ZNF184: variants seen among roughly 807,000 people sequenced by gnomAD.
The protein encoded by ZNF184 is zinc finger protein 184 (Kruppel-like).
In ZNF184, 16 loss-of-function variants were observed where a neutral mutation model predicts 54.4. The observed-to-expected ratio is 0.29, with a 90% CI of 0.20 to 0.45. The LOEUF (loss-of-function observed/expected upper bound fraction) is 0.45, where lower values mean the gene tolerates loss of function less well. Ranked by LOEUF, ZNF184 falls within the 20% of genes least tolerant of loss-of-function variation. The pLI is 1.00. For missense variants in ZNF184, 681 were observed against 888.2 expected (o/e 0.77, Z 2.97); for synonymous variants, 254 against 295.3 (o/e 0.86, Z 1.43).
chr6:27,413,511 C>T, the ZNF184 span, among the ~76,000 whole-genome samples: 3 of 152,134 alleles, frequency 2.0e-5, no homozygotes, highest in Admixed American at 1.3e-4. Flanking sequence ...CTCCTCTATG[C>T]TCATTGTTCA....
At chr6:27,467,500 CAGG>C (rs1763169248) in intron 3 of ZNF184, among the ~76,000 whole-genome samples, 1 of 152,070 alleles carries the variant, frequency 6.6e-6, no homozygotes, top group South Asian at 2.1e-4. Context: ...GACGCTCAGG[CAGG>C]AGAATTGCTT....
At chr6:27,448,360 C>G (rs1282288241), downstream of ZNF184, among the ~76,000 whole-genome samples, 2 of 152,220 alleles carry the variant, frequency 1.3e-5, no homozygotes, top group African/African-American at 2.4e-5. Context: ...ACCATTCGAT[C>G]TTACCTGGAC....
the ZNF184 span, among the ~76,000 whole-genome samples, chr6:27,420,346 C>T: frequency 6.6e-6 from 1 of 152,174 alleles, no homozygotes; most frequent in Non-Finnish European, 1.5e-5. Flanking sequence ...TTCCTCTATG[C>T]TAGGTGGCTA....
In ZNF184 at chr6:27,456,914, T is replaced by C. The variant is rs1299690486; in HGVS notation, c.210A>G (p.Gln70=). 1.9e-6 allele frequency: 3 copies of C among 1,613,958 alleles called. No individual in the cohort carries two copies. Among genetic ancestry groups the C allele is most frequent in the Middle Eastern group, 1.6e-4 (1 of 6,062 alleles). ...GGGAAATCACATCAGGTTTAGAAAC[T>C]TGGAGTCCTGTTCATTAGGGAAAAA... is the stretch of plus-strand genomic sequence containing the variant. ...NYTHLVSIGL[Q]VSKPDVISQL... is the part of the protein sequence containing the mutation. The change falls in exon 5 of 6, where the codon CAA becomes CAG. Residue 70 remains glutamine (Q), a synonymous_variant. Coordinates refer to ENST00000683788, the MANE Select transcript of ZNF184 (RefSeq NM_001318891.2).
chr6:27,421,241 T>G, the ZNF184 span, among the ~76,000 whole-genome samples: 1 of 152,176 alleles, frequency 6.6e-6, no homozygotes. Context: ...GGACTGTGAG[T>G]AGTAATATGT....
Position 27,452,272 on chromosome 6 carries a change from C to T in ZNF184, c.1287G>A (p.Gln429=). Residue 429 remains glutamine (Q), a synonymous_variant, in exon 6 of 6, where the codon CAG becomes CAA. Coordinates refer to ENST00000683788, the MANE Select transcript of ZNF184 (RefSeq NM_001318891.2). The surrounding 1 kb of genome is among the most constrained non-coding windows in gnomAD (Gnocchi z 5.5). ...TTTGATGCTGAGTGAGGTTTGAGTG[C>T]TGGCTGAAGGCTTTCCCACATTCAT... ...ECNECGKAFS[Q]HSNLTQHQKT... 1.2e-6 allele frequency: 2 copies of T among 1,614,042 alleles called. No homozygotes were observed. The highest frequency in any genetic ancestry group is 1.7e-6 in the Non-Finnish European group (2 of 1,179,998).
chr6:27,425,096 C>T, the ZNF184 span, among the ~76,000 whole-genome samples: 1 of 152,200 alleles, frequency 6.6e-6, no homozygotes, highest in African/African-American at 2.4e-5. Context: ...TGCCCGGGGC[C>T]GCCAGGGCCG....
the ZNF184 span, among the ~76,000 whole-genome samples, chr6:27,439,651 TAA>T: frequency 6.6e-6 from 1 of 152,226 alleles, no homozygotes; most frequent in Non-Finnish European, 1.5e-5. Flanking sequence ...CACAATACAG[TAA>T]GATATTTTGA....
Position 27,472,397 on chromosome 6 carries a change from C to T in ZNF184, c.-103G>A, listed in dbSNP as rs1763300266. On this transcript the variant is annotated 5_prime_UTR_variant, in exon 2 of 6. Coordinates refer to ENST00000683788, the MANE Select transcript of ZNF184 (RefSeq NM_001318891.2). This position sits in a 1 kb window ranked among gnomAD's most constrained non-coding sequence, Gnocchi z 4.8. ...TCTAGGACTCAGATGTCTAACTCCC[C>T]TTGCAGGGAATCTGCAACACGCTGA... 3 of 1,493,068 alleles carry T rather than the reference C, an allele frequency of 2.0e-6. No homozygotes were observed. Among genetic ancestry groups the T allele is most frequent in the Non-Finnish European group, 2.8e-6 (3 of 1,078,252 alleles). 92.5% of individuals were successfully genotyped at this position (1,493,068 alleles called of 1,614,324 possible). A position where few individuals can be genotyped will look rare whatever the true frequency, so the allele number is the denominator to read the frequency against.
At position 27,452,844 on chromosome 6, in the gene ZNF184, G is replaced by T; in HGVS notation, c.715C>A (p.Arg239Ser). Residue 239 changes from arginine to serine, a missense_variant, in exon 6 of 6, where the codon CGC becomes AGC. Transcript: ENST00000683788. This position sits in a 1 kb window ranked among gnomAD's most constrained non-coding sequence, Gnocchi z 5.5. ...TCTCCAGTATGTGTTCTCTGATGGCGAATAAGAGCTGAACAATAACTAAAG... is the reference window on the plus strand; with the variant it reads ...TCTCCAGTATGTGTTCTCTGATGGCTAATAAGAGCTGAACAATAACTAAAG... Reference protein sequence around the residue: ...KAFSYCSALIRHQRTHTGEKP... With the variant: ...KAFSYCSALISHQRTHTGEKP... The T allele has an allele frequency of 6.2e-7, 1 of 1,613,890 alleles. No homozygotes were observed. The highest frequency in any genetic ancestry group is 8.5e-7 in the Non-Finnish European group (1 of 1,179,938).
At chr6:27,441,153 T>C in the ZNF184 span, among the ~76,000 whole-genome samples, 1 of 152,228 alleles carries the variant, frequency 6.6e-6, no homozygotes, top group Admixed American at 6.5e-5. Context: ...CTTTGGTGAT[T>C]TACTGATAGG....
rs762793841 is a variant in ZNF184 at position 27,467,819 on chromosome 6, G to A, written c.75+34C>T. 11 of 1,573,192 alleles carry A rather than the reference G, an allele frequency of 7.0e-6. No homozygotes were observed. In the East Asian group the frequency reaches 2.3e-4, roughly 32 times the overall value. ...CAAAAAACCACAATCACCCTCTAAAGAATAAAATGGCATTTCAAGAAACCA... is the reference window on the plus strand; with the variant it reads ...CAAAAAACCACAATCACCCTCTAAAAAATAAAATGGCATTTCAAGAAACCA... On this transcript the variant is annotated intron_variant, in intron 3 of 5. Coordinates refer to ENST00000683788, the MANE Select transcript of ZNF184 (RefSeq NM_001318891.2).
chr6:27,469,911 C>G (rs1391291445), intron 2 of ZNF184, among the ~76,000 whole-genome samples: 1 of 152,034 alleles, frequency 6.6e-6, no homozygotes, highest in African/African-American at 2.4e-5. Context: ...AAAAAATCAA[C>G]TAAGGGACTA....
In ZNF184 at chr6:27,456,816, C is replaced by T; in HGVS notation, c.298+10G>A. 6.2e-7 allele frequency: 1 copy of T among 1,612,614 alleles called. No individual in the cohort carries two copies. The highest frequency in any genetic ancestry group is 8.5e-7 in the Non-Finnish European group (1 of 1,179,036). On this transcript the variant is annotated intron_variant, in intron 5 of 5. Coordinates refer to ENST00000683788, the MANE Select transcript of ZNF184 (RefSeq NM_001318891.2). Reference sequence around the variant, plus strand: ...TTAATGATATTCATCTGCTGGCATCCATGACTTACCTGCACAGGTACCTAC... The same window carrying T: ...TTAATGATATTCATCTGCTGGCATCTATGACTTACCTGCACAGGTACCTAC...
At chr6:27,442,338 A>T in the ZNF184 span, among the ~76,000 whole-genome samples, 10,123 of 152,224 alleles carry the variant, frequency 0.067, 569 homozygotes, top group East Asian at 0.28. Context: ...AATGGGGGTC[A>T]GCCAAACATG....
At chr6:27,432,024 T>C in the ZNF184 span, among the ~76,000 whole-genome samples, 1 of 151,884 alleles carries the variant, frequency 6.6e-6, no homozygotes, top group Non-Finnish European at 1.5e-5. This position sits in a 1 kb window ranked among gnomAD's most constrained non-coding sequence, Gnocchi z 4.0. Flanking sequence ...CTTGGAGTTT[T>C]ATGGTGGTTA....
intron 2 of ZNF184, among the ~76,000 whole-genome samples, chr6:27,471,144 T>C (rs376745379): frequency 2.0e-5 from 3 of 152,294 alleles, no homozygotes; most frequent in East Asian, 1.9e-4. Flanking sequence ...GAGAACTCCA[T>C]AGGGACATGT....
At chr6:27,436,814 A>T in the ZNF184 span, among the ~76,000 whole-genome samples, 1 of 152,242 alleles carries the variant, frequency 6.6e-6, no homozygotes, top group Non-Finnish European at 1.5e-5. Flanking sequence ...GATCGTGACC[A>T]GCTCAGTACA....
At chr6:27,405,817 C>T in the ZNF184 span, 2 of 152,292 alleles carry the variant, frequency 1.3e-5, no homozygotes, top group African/African-American at 4.8e-5. Flanking sequence ...AACACTGGGG[C>T]TCAGCTCCCT....
Sources: allele counts gnomAD v4.1 joint callset (sites outside exome capture counted in the v4.1 genomes callset), GRCh38; gene constraint gnomAD v4.1.1; non-coding constraint Gnocchi (gnomAD v3.1); transcripts MANE v1.5; gene names NCBI Gene and HGNC (gene_info 2026-07-23, HGNC 2026-07-21).